KSR2: variants seen among roughly 807,000 people sequenced by gnomAD.
The protein encoded by KSR2 is kinase suppressor of ras 2.
In KSR2, 25 loss-of-function variants were observed where a neutral mutation model predicts 107.8. The ratio of observed to expected loss-of-function variants is 0.23; its 90% CI spans 0.17 to 0.32. KSR2 has a LOEUF of 0.32. Among genes scored for constraint, KSR2 ranks in the 10% least tolerant of loss-of-function variants. The probability of loss-of-function intolerance (pLI) is 1.00; values close to 1 mark genes in which losing one functional copy is unlikely to be tolerated. For synonymous variants in KSR2, 480 were observed against 507.0 expected, an observed-to-expected ratio of 0.95 and a Z score of 0.71; for missense variants, 887 against 1,268.9, an observed-to-expected ratio of 0.70 and a Z score of 4.57.
At position 117,751,351 on chromosome 12, in the gene KSR2, C is replaced by T. The variant is rs534849905; in HGVS notation, c.986+9660G>A. Among the ~76,000 whole-genome samples the T allele has an allele frequency of 3.3e-5, 5 of 152,270 alleles. No individual in the cohort carries two copies. The East Asian group carries it at 7.7e-4, about 23-fold the overall frequency. On this transcript the variant is annotated intron_variant, in intron 4 of 19. Transcript: ENST00000339824. ...TATGTCTTCATTAGCAGCGTGAGAA[C>T]GGACTAATACACTGTATATCAAGGA...
intron 4 of KSR2, among the ~76,000 whole-genome samples, chr12:117,695,217 T>A (rs2136591259): frequency 6.6e-6 from 1 of 152,234 alleles, no homozygotes; most frequent in East Asian, 1.9e-4. Flanking sequence ...GAGTGATGGT[T>A]GGCCAAGGCT....
At chr12:117,518,983 T>C (rs1422339540) in intron 14 of KSR2, among the ~76,000 whole-genome samples, 1 of 152,226 alleles carries the variant, frequency 6.6e-6, no homozygotes, top group Non-Finnish European at 1.5e-5. Flanking sequence ...GCTTTAATGA[T>C]CTTACGTGTT....
At chr12:117,607,968 C>A (rs1881387950) in intron 5 of KSR2, among the ~76,000 whole-genome samples, 1 of 152,162 alleles carries the variant, frequency 6.6e-6, no homozygotes, top group African/African-American at 2.4e-5. Flanking sequence ...AGCACTGCAG[C>A]CCGGCCAACA....
rs1461555525 is a variant in KSR2 at position 117,469,855 on chromosome 12, G to A, written c.2713-60C>T. On this transcript the variant is annotated intron_variant, in intron 18 of 19. Coordinates refer to ENST00000339824, the MANE Select transcript of KSR2 (RefSeq NM_173598.6). The stretch of plus-strand genomic sequence containing the variant: ...ATGGTGATTTCTTGATTACTCTTTG[G>A]CATCACATTTGGTCTGCCAATTTGT... 5 of 1,578,432 alleles carry A rather than the reference G, an allele frequency of 3.2e-6. No individual in the cohort carries two copies. In the Admixed American group the frequency reaches 6.9e-5, roughly 22 times the overall value.
chr12:117,630,469 G>A (rs1374956423), intron 5 of KSR2, among the ~76,000 whole-genome samples: 1 of 152,144 alleles, frequency 6.6e-6, no homozygotes, highest in Non-Finnish European at 1.5e-5. Context: ...AGCTGGAGAT[G>A]TAGGCACTAG....
chr12:117,601,490 C>T (rs1363907458), intron 5 of KSR2, among the ~76,000 whole-genome samples: 1 of 151,958 alleles, frequency 6.6e-6, no homozygotes, highest in Non-Finnish European at 1.5e-5. Flanking sequence ...ACACAGAGAC[C>T]CACACAGAGG....
At chr12:117,516,315 A>C (rs1336936111) in intron 14 of KSR2, among the ~76,000 whole-genome samples, 1 of 152,182 alleles carries the variant, frequency 6.6e-6, no homozygotes, top group Non-Finnish European at 1.5e-5. Context: ...TGGATGGCTC[A>C]AAGCTTACAG....
chr12:117,680,994 G>T (rs1593124441), intron 4 of KSR2, among the ~76,000 whole-genome samples: 1 of 152,316 alleles, frequency 6.6e-6, no homozygotes, highest in Non-Finnish European at 1.5e-5. Flanking sequence ...CTACCACCAG[G>T]TGTGGTGGCT....
chr12:117,900,913 T>G (rs915671958), intron 1 of KSR2, among the ~76,000 whole-genome samples: 49 of 152,314 alleles, frequency 3.2e-4, no homozygotes, highest in African/African-American at 1.2e-3. Context: ...AGACACCTTT[T>G]CTCTTCAAAT....
intron 14 of KSR2, among the ~76,000 whole-genome samples, chr12:117,500,155 A>G (rs1221495013): frequency 1.3e-5 from 2 of 152,240 alleles, no homozygotes; most frequent in Admixed American, 6.5e-5. Context: ...AAACAGGCAT[A>G]GAAATGTTTT....
chr12:117,772,129 A>T (rs946290094), intron 3 of KSR2, among the ~76,000 whole-genome samples: 11 of 149,788 alleles, frequency 7.3e-5, no homozygotes, highest in African/African-American at 2.7e-4. Context: ...AGATGCACAT[A>T]CACTCATACA....
chr12:117,587,597 G>A (rs1055347691), intron 5 of KSR2, among the ~76,000 whole-genome samples: 7 of 152,286 alleles, frequency 4.6e-5, no homozygotes, highest in East Asian at 1.9e-4. Context: ...GTTGGTGGCC[G>A]TTTGTCACAG....
intron 1 of KSR2, among the ~76,000 whole-genome samples, chr12:117,953,072 A>G (rs912939371): frequency 2.6e-5 from 4 of 152,188 alleles, no homozygotes; most frequent in Non-Finnish European, 5.9e-5. Context: ...CAGATGGCCA[A>G]TAGGCACATG....
At chr12:117,957,935 G>T (rs1055716571) in intron 1 of KSR2, among the ~76,000 whole-genome samples, 1 of 151,212 alleles carries the variant, frequency 6.6e-6, no homozygotes, top group Non-Finnish European at 1.5e-5. Context: ...GGGTTCAAGC[G>T]ATTCTCCTGC....
intron 14 of KSR2, among the ~76,000 whole-genome samples, chr12:117,489,252 A>C (rs1478929633): frequency 6.6e-6 from 1 of 152,092 alleles, no homozygotes; most frequent in African/African-American, 2.4e-5. Context: ...GGTTACATGG[A>C]TACATACTTA....
intron 3 of KSR2, 101 bp from the exon 4 acceptor site, chr12:117,761,625 G>T: frequency 9.1e-7 from 1 of 1,104,140 alleles, no homozygotes; most frequent in Non-Finnish European, 1.4e-6. Context: ...TACACCACGT[G>T]CCCATTACAT....
intron 1 of KSR2, among the ~76,000 whole-genome samples, chr12:117,894,678 G>A (rs890054344): frequency 7.3e-5 from 11 of 150,006 alleles, no homozygotes; most frequent in Middle Eastern, 3.4e-3. Flanking sequence ...TTGAAAGTGC[G>A]TAGCACTTCC....
chr12:117,474,510 A>G (rs1231073933), intron 17 of KSR2, among the ~76,000 whole-genome samples: 1 of 151,510 alleles, frequency 6.6e-6, no homozygotes, highest in Non-Finnish European at 1.5e-5. Flanking sequence ...GTCTAATTGC[A>G]CTCATCTGCA....
chr12:117,806,223 G>A (rs1047626263), intron 3 of KSR2, among the ~76,000 whole-genome samples: 1 of 152,140 alleles, frequency 6.6e-6, no homozygotes, highest in Non-Finnish European at 1.5e-5. Context: ...GCCCTGGCCC[G>A]GGGCTTTGCT....
Sources: gnomAD v4.1 joint callset for allele counts (sites outside exome capture counted in the v4.1 genomes callset) on GRCh38, gnomAD v4.1.1 for gene constraint, MANE v1.5 for transcripts, NCBI Gene and HGNC (gene_info 2026-07-23, HGNC 2026-07-21) for gene names.